Variants in COL8A2 observed in about 807,000 individuals in gnomAD.
The protein encoded by COL8A2 is collagen alpha-2(VIII) chain.
COL8A2 carries 16 observed loss-of-function variants against 24.0 expected under a neutral mutation model. The ratio of observed to expected loss-of-function variants is 0.67; its 90% confidence interval spans 0.45 to 1.01. The LOEUF is 1.01. Ranked by LOEUF, COL8A2 falls within the 50% of genes least tolerant of loss-of-function variation. COL8A2 has a pLI of 0.00. For missense variants in COL8A2, 818 were observed against 942.4 expected (o/e 0.87, Z 1.73); for synonymous variants, 466 against 424.5 (o/e 1.10, Z -1.20).
At chr1:36,110,179 G>A (rs1008877495) in intron 2 of COL8A2, among the ~76,000 whole-genome samples, 31 of 149,050 alleles carry the variant, frequency 2.1e-4, no homozygotes, top group African/African-American at 7.4e-4. Flanking sequence ...TGATCCACCC[G>A]CCTCGGCCTC....
At chr1:36,103,172 C>G (rs898283333) in intron 2 of COL8A2, among the ~76,000 whole-genome samples, 1 of 152,036 alleles carries the variant, frequency 6.6e-6, no homozygotes, top group African/African-American at 2.4e-5. Flanking sequence ...ACTGTGTTGC[C>G]TAGGCTGGTC....
chr1:36,121,767 C>T (rs1309152021), intron 1 of COL8A2, among the ~76,000 whole-genome samples: 3 of 152,152 alleles, frequency 2.0e-5, no homozygotes, highest in East Asian at 3.9e-4. Context: ...GTTCCCTCTG[C>T]TCCATGTCCT....
chr1:36,102,230 CAG>C (rs1356100110), intron 2 of COL8A2, among the ~76,000 whole-genome samples: 1 of 152,126 alleles, frequency 6.6e-6, no homozygotes, highest in Admixed American at 6.6e-5. Context: ...ATCTTGAAAA[CAG>C]TGAAAAGTGA....
Position 36,098,991 on chromosome 1 carries a change from G to C in COL8A2, c.690C>G (p.Leu230=), listed in dbSNP as rs1557738596. 6.3e-7 allele frequency: 1 copy of C among 1,597,296 alleles called. No individual in the cohort carries two copies. The highest frequency in any genetic ancestry group is 8.5e-7 in the Non-Finnish European group (1 of 1,170,196). ...GTTTGCCTAAGCCAGCTGGACCAGG[G>C]AGGCCGGGGGGGCCGGGGGCACCCC... The part of the protein sequence containing the change: ...GQGGAPGPPG[L]PGPAGLGKPG... The change falls in exon 4 of 4, where the codon CTC becomes CTG. Residue 230 remains leucine (L), a synonymous_variant. Transcript: ENST00000397799.
At chr1:36,117,780 T>A (rs1643886914) in intron 1 of COL8A2, among the ~76,000 whole-genome samples, 1 of 151,866 alleles carries the variant, frequency 6.6e-6, no homozygotes, top group East Asian at 1.9e-4. Flanking sequence ...ATCCCAGCAC[T>A]TTGGGAGGCC....
chr1:36,114,578 A>C (rs1250571838), intron 2 of COL8A2, among the ~76,000 whole-genome samples: 1 of 152,088 alleles, frequency 6.6e-6, no homozygotes, highest in African/African-American at 2.4e-5. Flanking sequence ...ATTAGTTCTC[A>C]TTTAAGACCC....
intron 2 of COL8A2, among the ~76,000 whole-genome samples, chr1:36,101,814 TGGGA>T (rs1383840616): frequency 1.3e-5 from 2 of 149,572 alleles, no homozygotes; most frequent in Non-Finnish European, 3.0e-5. Context: ...GAGGCTGAGG[TGGGA>T]GGATCACTTG....
At chr1:36,109,775 G>A (rs1405043123) in intron 2 of COL8A2, among the ~76,000 whole-genome samples, 3 of 151,142 alleles carry the variant, frequency 2.0e-5, no homozygotes, top group Non-Finnish European at 4.4e-5. Context: ...TCTACTAAAC[G>A]GGGTTTCTAC....
intron 1 of COL8A2, among the ~76,000 whole-genome samples, chr1:36,116,398 A>C (rs1411866191): frequency 6.6e-6 from 1 of 152,144 alleles, no homozygotes; most frequent in Non-Finnish European, 1.5e-5. Context: ...TCCCTCCCAT[A>C]TGTCAGCTCT....
At chr1:36,103,732 T>G (rs567063467) in intron 2 of COL8A2, among the ~76,000 whole-genome samples, 54 of 151,448 alleles carry the variant, frequency 3.6e-4, no homozygotes, top group Non-Finnish European at 7.4e-4. Flanking sequence ...TACAGGTGCA[T>G]GCCACCACGC....
Position 36,098,460 on chromosome 1 carries a change from G to T in COL8A2, c.1221C>A (p.Val407=). ...CCCCAGGAAGTCCCCTCTCACCTGG[G>T]ACCCCTGGTTTCCCAGCCAGGCCAC... ...GPSGLAGKPG[V]PGERGLPGAH... Residue 407 remains valine (V), a synonymous_variant, in exon 4 of 4, where the codon GTC becomes GTA. Coordinates refer to ENST00000397799, the MANE Select transcript of COL8A2 (RefSeq NM_005202.4). The T allele has an allele frequency of 6.3e-7, 1 of 1,577,094 alleles. No homozygotes were observed.
At position 36,098,864 on chromosome 1, in the gene COL8A2, C is replaced by T; in HGVS notation, c.817G>A (p.Gly273Arg). ...CCCACACCGTCTACTCCAGGAGGTC[C>T]TTTTGGGCCCACAGCTCCTGGCTCC... is the stretch of plus-strand genomic sequence containing the variant. ...RGEPGAVGPK[G>R]PPGVDGVGVP... The change falls in exon 4 of 4, where the codon GGA (glycine) becomes AGA (arginine). Residue 273 changes from glycine to arginine, a missense_variant. This residue lies in a region of COL8A2 where 573 missense variants were observed against 616.8 expected (regional missense o/e 0.93). Transcript: ENST00000397799. 2 of 1,612,584 alleles carry T rather than the reference C, an allele frequency of 1.2e-6. No individual in the cohort carries two copies. The highest frequency in any genetic ancestry group is 8.5e-7 in the Non-Finnish European group (1 of 1,179,800).
At chr1:36,110,706 G>A (rs1387950492) in intron 2 of COL8A2, among the ~76,000 whole-genome samples, 2 of 151,924 alleles carry the variant, frequency 1.3e-5, no homozygotes, top group African/African-American at 2.4e-5. Context: ...TGGTCAGGCT[G>A]GTCTCGAACG....
At chr1:36,121,641 A>C (rs1557749729) in intron 1 of COL8A2, among the ~76,000 whole-genome samples, 1 of 150,554 alleles carries the variant, frequency 6.6e-6, no homozygotes, top group Non-Finnish European at 1.5e-5. Context: ...TGGGAGGTGG[A>C]GGTTGCAGTG....
At position 36,097,504 on chromosome 1, in the gene COL8A2, T is replaced by A; in HGVS notation, c.*65A>T. The A allele has an allele frequency of 7.7e-7, 1 of 1,301,258 alleles. No individual in the cohort carries two copies. Among genetic ancestry groups the A allele is most frequent in the Non-Finnish European group, 1.1e-6 (1 of 934,268 alleles). The allele number at this position is 1,301,258 out of a possible 1,614,324, so 80.6% of individuals were successfully genotyped here. ...GTTTTTTTTTCCAGGAGGTTCTTTG[T>A]AATTGAAAAGGTCGCTCTACCACTA... On this transcript the variant is annotated 3_prime_UTR_variant, in exon 4 of 4. Coordinates refer to ENST00000397799, the MANE Select transcript of COL8A2 (RefSeq NM_005202.4).
chr1:36,124,471 G>A (rs1159974068), intron 1 of COL8A2, among the ~76,000 whole-genome samples: 5 of 151,878 alleles, frequency 3.3e-5, no homozygotes, highest in Non-Finnish European at 7.3e-5. Context: ...GAGCTGGGGG[G>A]ATGCTGAGCC....
chr1:36,105,432 A>G (rs1643743510), intron 2 of COL8A2, among the ~76,000 whole-genome samples: 2 of 152,166 alleles, frequency 1.3e-5, no homozygotes, highest in Admixed American at 1.3e-4. Context: ...GGAAGCTCCA[A>G]CTGTAAGAGT....
intron 1 of COL8A2, among the ~76,000 whole-genome samples, chr1:36,122,136 C>T (rs1422556422): frequency 2.6e-5 from 4 of 152,206 alleles, no homozygotes; most frequent in African/African-American, 4.8e-5. Flanking sequence ...GGACACTGAT[C>T]GGAAGATCTA....
intron 1 of COL8A2, among the ~76,000 whole-genome samples, chr1:36,122,749 C>G (rs1643923709): frequency 6.6e-6 from 1 of 152,174 alleles, no homozygotes; most frequent in Non-Finnish European, 1.5e-5. Context: ...AAGATCCCCC[C>G]TTCATCCTTG....
Sources: allele counts gnomAD v4.1 joint callset (sites outside exome capture counted in the v4.1 genomes callset), GRCh38; gene constraint gnomAD v4.1.1; regional missense constraint gnomAD v4.1.1; transcripts MANE v1.5; gene names NCBI Gene and HGNC (gene_info 2026-07-23, HGNC 2026-07-21).